PPP1CB: variants seen among roughly 807,000 people sequenced by gnomAD.
PPP1CB encodes serine/threonine-protein phosphatase PP1-beta catalytic subunit.
In PPP1CB, 2 loss-of-function variants were observed where a neutral mutation model predicts 43.7. The ratio of observed to expected loss-of-function variants is 0.05; its 90% confidence interval spans 0.02 to 0.14. PPP1CB has a LOEUF of 0.14. Ranked by LOEUF, PPP1CB falls within the 10% of genes least tolerant of loss-of-function variation. The pLI, the probability that PPP1CB is intolerant of heterozygous loss-of-function variation, is 1.00. For missense variants in PPP1CB, 84 were observed against 398.0 expected (o/e 0.21, Z 6.71); for synonymous variants, 136 against 135.6 (o/e 1.00, Z -0.02).
intron 7 of PPP1CB, among the ~76,000 whole-genome samples, chr2:28,796,138 C>T (rs1466892467): frequency 1.3e-5 from 2 of 152,054 alleles, no homozygotes. Flanking sequence ...CATCCTGTTC[C>T]ATTGGTTTAT....
chr2:28,769,507 T>C (rs1021917342), intron 1 of PPP1CB, among the ~76,000 whole-genome samples: 3 of 152,194 alleles, frequency 2.0e-5, no homozygotes, highest in Non-Finnish European at 4.4e-5. Flanking sequence ...GAAGACAAAC[T>C]AAAGCTCAGA....
At chr2:28,768,191 T>C (rs931065413) in intron 1 of PPP1CB, among the ~76,000 whole-genome samples, 1 of 152,128 alleles carries the variant, frequency 6.6e-6, no homozygotes, top group East Asian at 1.9e-4. Flanking sequence ...GGGAAGCGTA[T>C]AGTGTGAGCT....
chr2:28,799,477 C>A lies in PPP1CB; in HGVS notation c.*174C>A. On this transcript the variant is annotated 3_prime_UTR_variant, in exon 8 of 8. Transcript: ENST00000395366. ...TTTTCTAATAGAAAGATGTGCTACACTGTATTGTAATAAGTATACTCTGTT... is the reference window on the plus strand; with the variant it reads ...TTTTCTAATAGAAAGATGTGCTACAATGTATTGTAATAAGTATACTCTGTT... 1 of 526,954 alleles carries A rather than the reference C, an allele frequency of 1.9e-6. No homozygotes were observed. The highest frequency in any genetic ancestry group is 3.4e-6 in the Non-Finnish European group (1 of 295,084). 32.6% of individuals were successfully genotyped at this position (526,954 alleles called of 1,614,324 possible).
intron 1 of PPP1CB, among the ~76,000 whole-genome samples, chr2:28,774,614 CAG>C (rs1271634285): frequency 2.0e-5 from 3 of 152,088 alleles, no homozygotes; most frequent in South Asian, 2.1e-4. Flanking sequence ...TTAGTAAAGA[CAG>C]GGTTTCACCA....
At chr2:28,787,234 C>T (rs113179449) in intron 5 of PPP1CB, among the ~76,000 whole-genome samples, 6 of 152,092 alleles carry the variant, frequency 3.9e-5, no homozygotes, top group African/African-American at 1.4e-4. Context: ...CCGAAGCGGG[C>T]GGATCACGAG....
chr2:28,789,785 G>T (rs1667348748), intron 6 of PPP1CB, among the ~76,000 whole-genome samples: 1 of 151,650 alleles, frequency 6.6e-6, no homozygotes, highest in South Asian at 2.1e-4. Flanking sequence ...TTTTAGTAGA[G>T]ACAGGGTTTC....
chr2:28,798,343 C>T (rs1402548578), intron 7 of PPP1CB, among the ~76,000 whole-genome samples: 1 of 152,030 alleles, frequency 6.6e-6, no homozygotes, highest in East Asian at 1.9e-4. Flanking sequence ...AGCAGTTTTA[C>T]CTCTAGGTAT....
chr2:28,777,133 A>AGTT, intron 2 of PPP1CB, 151 bp downstream of exon 2: 1 of 751,948 alleles, frequency 1.3e-6, no homozygotes, highest in African/African-American at 1.8e-5. Context: ...GAAACTTATA[A>AGTT]AAATGACAAG....
At chr2:28,798,758 A>G (rs770810220) in intron 7 of PPP1CB, among the ~76,000 whole-genome samples, 2 of 152,070 alleles carry the variant, frequency 1.3e-5, no homozygotes, top group Non-Finnish European at 2.9e-5. Flanking sequence ...TTCTAAAATT[A>G]GATTTATATC....
At chr2:28,752,298 C>G in intron 1 of PPP1CB, 122 bp downstream of exon 1, 1 of 940,860 alleles carries the variant, frequency 1.1e-6, no homozygotes, top group Non-Finnish European at 1.5e-6. Context: ...TCTCTGGGAG[C>G]GCGGCGCGGC....
At chr2:28,768,202 C>T (rs1392996969) in intron 1 of PPP1CB, among the ~76,000 whole-genome samples, 1 of 152,088 alleles carries the variant, frequency 6.6e-6, no homozygotes, top group Non-Finnish European at 1.5e-5. Context: ...AGTGTGAGCT[C>T]ACCAGTCACC....
chr2:28,793,305 G>T (rs991536120), intron 6 of PPP1CB, among the ~76,000 whole-genome samples: 1 of 152,184 alleles, frequency 6.6e-6, no homozygotes, highest in Non-Finnish European at 1.5e-5. Context: ...TTTTCAGTGT[G>T]TAGCCAGTAG....
chr2:28,758,715 A>C (rs984404719), intron 1 of PPP1CB, among the ~76,000 whole-genome samples: 2 of 152,214 alleles, frequency 1.3e-5, no homozygotes, highest in Admixed American at 6.5e-5. Flanking sequence ...CACTATTCAC[A>C]TGTGGAGCAC....
chr2:28,770,626 A>G (rs1311470527), intron 1 of PPP1CB, among the ~76,000 whole-genome samples: 1 of 152,246 alleles, frequency 6.6e-6, no homozygotes. Context: ...AAGTTAAAAT[A>G]GACAAAACCA....
At chr2:28,763,894 CG>C (rs1666718560) in intron 1 of PPP1CB, among the ~76,000 whole-genome samples, 1 of 149,450 alleles carries the variant, frequency 6.7e-6, no homozygotes, top group Non-Finnish European at 1.5e-5. Context: ...TTAGTAGAGA[CG>C]GGGTTTCAGC....
chr2:28,794,449 G>A (rs762036641), intron 7 of PPP1CB, among the ~76,000 whole-genome samples: 12 of 152,126 alleles, frequency 7.9e-5, no homozygotes, highest in African/African-American at 2.4e-4. Context: ...CCAGCACTTC[G>A]GGAGGCTGAG....
At position 28,752,021 on chromosome 2, in the gene PPP1CB, C is replaced by T. The variant is rs2148449135; in HGVS notation, c.-104C>T. Reference sequence around the variant, plus strand: ...GGGGGAGTTGGAGCCGGGGTCGAAACGCCGCGTGACTTGTAGGTGAGAGAA... The same window carrying T: ...GGGGGAGTTGGAGCCGGGGTCGAAATGCCGCGTGACTTGTAGGTGAGAGAA... On this transcript the variant is annotated 5_prime_UTR_variant, in exon 1 of 8. The change creates a new upstream start codon in the 5' untranslated region. Transcript: ENST00000395366. 1 of 1,152,090 alleles carries T rather than the reference C, an allele frequency of 8.7e-7. No homozygotes were observed. Among genetic ancestry groups the T allele is most frequent in the Non-Finnish European group, 1.3e-6 (1 of 785,302 alleles). The allele number at this position is 1,152,090 out of a possible 1,614,324, so 71.4% of individuals were successfully genotyped here.
chr2:28,757,731 G>T (rs1160414402), intron 1 of PPP1CB, among the ~76,000 whole-genome samples: 2 of 152,168 alleles, frequency 1.3e-5, no homozygotes, highest in African/African-American at 4.8e-5. Context: ...TCAGAGATTA[G>T]GTGTTTGTTT....
At chr2:28,785,869 T>C (rs546033547) in intron 5 of PPP1CB, among the ~76,000 whole-genome samples, 1 of 152,224 alleles carries the variant, frequency 6.6e-6, no homozygotes, top group East Asian at 1.9e-4. Flanking sequence ...GTATTACTGG[T>C]CATTCTTCAG....
Sources: allele counts gnomAD v4.1 joint callset (sites outside exome capture counted in the v4.1 genomes callset), GRCh38; gene constraint gnomAD v4.1.1; transcripts MANE v1.5; gene names NCBI Gene and HGNC (gene_info 2026-07-23, HGNC 2026-07-21).